The following HDLBP variants were observed in gnomAD, a reference collection of about 807,000 sequenced individuals.
HDLBP encodes vigilin.
A neutral mutation model predicts 137.3 loss-of-function variants in HDLBP; 30 were observed. That is an observed-to-expected ratio of 0.22 (90% CI 0.16 to 0.30). The LOEUF is 0.30. Among genes scored for constraint, HDLBP ranks in the 10% least tolerant of loss-of-function variants. HDLBP has a pLI of 1.00. For synonymous variants in HDLBP, 606 were observed against 596.0 expected, an observed-to-expected ratio of 1.02 and a Z score of -0.24; for missense variants, 1,119 against 1,667.3, an observed-to-expected ratio of 0.67 and a Z score of 5.73.
intron 1 of HDLBP, among the ~76,000 whole-genome samples, chr2:241,274,650 A>G (rs2074326173): frequency 6.6e-6 from 1 of 152,246 alleles, no homozygotes; most frequent in African/African-American, 2.4e-5. Flanking sequence ...TTTAAAAAAC[A>G]CTGTTAGCAG....
intron 1 of HDLBP, among the ~76,000 whole-genome samples, chr2:241,312,832 C>T (rs765382063): frequency 6.6e-6 from 1 of 152,214 alleles, no homozygotes; most frequent in Non-Finnish European, 1.5e-5. Context: ...CACGAAGGAT[C>T]GTAAGATATC....
chr2:241,238,734 G>C lies in HDLBP; in HGVS notation c.2664C>G (p.Val888=). 1 of 1,581,394 alleles carries C rather than the reference G, an allele frequency of 6.3e-7. No individual in the cohort carries two copies. Among genetic ancestry groups the C allele is most frequent in the Non-Finnish European group, 8.7e-7 (1 of 1,155,884 alleles). ...GGATTCTGGAACCTTTGGGGCCCAT[G>C]ACAGATCGATGGAATTTCTGGGGTA... The part of the protein sequence containing the change: ...CAIPQKFHRS[V]MGPKGSRIQQ... Residue 888 remains valine (V), a synonymous_variant, in exon 20 of 28, where the codon GTC becomes GTG. Transcript: ENST00000310931. This position sits in a 1 kb window ranked among gnomAD's most constrained non-coding sequence, Gnocchi z 4.9.
chr2:241,302,286 G>A (rs1443283042), intron 1 of HDLBP, among the ~76,000 whole-genome samples: 3 of 151,970 alleles, frequency 2.0e-5, no homozygotes, highest in Non-Finnish European at 4.4e-5. Flanking sequence ...AGGTTAGGTG[G>A]TTCACACCTG....
In HDLBP at chr2:241,315,602, G is replaced by A. The variant is rs1219565326; in HGVS notation, c.-135C>T. 6.6e-6 allele frequency: 1 copy of A among 152,250 alleles called. No homozygotes were observed. The highest frequency in any genetic ancestry group is 1.5e-5 in the Non-Finnish European group (1 of 68,084). The allele number at this position is 152,250 out of a possible 1,614,324, so 9.4% of individuals were successfully genotyped here. On this transcript the variant is annotated 5_prime_UTR_variant, in exon 1 of 28. Transcript: ENST00000310931. ...ACTCTTATAAGCATAAGAAAACCGA[G>A]CTCATAAGGTAGGAACTGTGGCGAA...
In HDLBP at chr2:241,255,953, C is replaced by G. The variant is rs537829108; in HGVS notation, c.873+231G>C. On this transcript the variant is annotated intron_variant, in intron 7 of 27. Transcript: ENST00000310931. The stretch of plus-strand genomic sequence containing the variant: ...GACCCGGGGCAGCCCAGCTGGCAGC[C>G]TGTCAGCACAGTCAGAGGCCCAGGA... 2.2e-4 allele frequency among the ~76,000 whole-genome samples: 34 copies of G among 152,354 alleles called. No homozygotes were observed. In the East Asian group the frequency reaches 6.2e-3, roughly 28 times the overall value.
intron 21 of HDLBP, 129 bp downstream of exon 21, chr2:241,236,486 G>A: frequency 3.3e-6 from 3 of 911,164 alleles, no homozygotes; most frequent in East Asian, 4.8e-5. Flanking sequence ...CACACGGTAG[G>A]AGCAAGAGGG....
intron 14 of HDLBP, chr2:241,247,366 A>T: frequency 1.8e-6 from 1 of 554,764 alleles, no homozygotes; most frequent in African/African-American, 1.9e-5. Flanking sequence ...TGGCTAAGAG[A>T]GAGTTCATGT....
chr2:241,276,567 T>C (rs1490816499), intron 1 of HDLBP, among the ~76,000 whole-genome samples: 1 of 152,148 alleles, frequency 6.6e-6, no homozygotes, highest in Non-Finnish European at 1.5e-5. Context: ...ACAGCAGCTA[T>C]AGGCCATTCA....
rs1278397845 is a variant in HDLBP, at chr2:241,227,930, G to A, written c.*1671C>T. The stretch of plus-strand genomic sequence containing the variant: ...CTAAGCCGTGGTCACCCTAGCCTAT[G>A]AAGCTGGAAGCTATATTCCTTCCAA... On this transcript the variant is annotated 3_prime_UTR_variant, in exon 28 of 28. Transcript: ENST00000310931. 6.6e-6 allele frequency: 1 copy of A among 152,248 alleles called. No homozygotes were observed. Among genetic ancestry groups the A allele is most frequent in the Admixed American group, 6.5e-5 (1 of 15,284 alleles). The allele number at this position is 152,248 out of a possible 1,614,324, so 9.4% of individuals were successfully genotyped here.
Position 241,233,213 on chromosome 2 carries a change from G to A in HDLBP, c.3288+607C>T, listed in dbSNP as rs77425659. Among the ~76,000 whole-genome samples the A allele has an allele frequency of 7.6e-3, 1,162 of 152,326 alleles. 13 individuals are homozygous for A. The highest frequency in any genetic ancestry group is 0.027 in the African/African-American group (1,115 of 41,584). ...CAGAGCCAGGAAAGACCAAGCCTGG[G>A]AAGTGTGTGCAAGAGGGGGTGTTGG... On this transcript the variant is annotated intron_variant, in intron 24 of 27. Coordinates refer to ENST00000310931, the MANE Select transcript of HDLBP (RefSeq NM_005336.6). This position sits in a 1 kb window ranked among gnomAD's most constrained non-coding sequence, Gnocchi z 4.3.
Position 241,253,410 on chromosome 2 carries a change from C to T in HDLBP, c.1276G>A (p.Gly426Ser). 6.2e-7 allele frequency: 1 copy of T among 1,609,702 alleles called. No individual in the cohort carries two copies. Residue 426 changes from glycine to serine, a missense_variant, in exon 10 of 28, where the codon GGC becomes AGC. Gly to Ser is a moderately conservative substitution (Grantham distance 56, BLOSUM62 0). Transcript: ENST00000310931. ...DVNVAQEQIE[G>S]MVKDLINRMD... ...TACCTTACCAAATCTTTGACCATGC[C>T]TTCTATCTGTTCCTGGGCCACATTG... is the stretch of plus-strand genomic sequence containing the variant.
intron 1 of HDLBP, among the ~76,000 whole-genome samples, chr2:241,294,765 G>GA (rs2075119795): frequency 3.3e-5 from 5 of 152,136 alleles, no homozygotes; most frequent in Admixed American, 3.3e-4. Context: ...CTGTTCTAGG[G>GA]ATACAGTTTT....
intron 1 of HDLBP, chr2:241,315,179 C>T (rs1370449673): frequency 6.6e-6 from 1 of 152,294 alleles, no homozygotes; most frequent in Non-Finnish European, 1.5e-5. Flanking sequence ...GGGCCCCAGC[C>T]CGGGCACAGG....
At chr2:241,310,789 G>A (rs114420470) in intron 1 of HDLBP, among the ~76,000 whole-genome samples, 67 of 152,188 alleles carry the variant, frequency 4.4e-4, no homozygotes, top group African/African-American at 1.5e-3. Flanking sequence ...AGTCTCCAAG[G>A]GACATCACTG....
At chr2:241,312,629 TC>T (rs1189419699) in intron 1 of HDLBP, among the ~76,000 whole-genome samples, 1 of 152,240 alleles carries the variant, frequency 6.6e-6, no homozygotes, top group Non-Finnish European at 1.5e-5. Flanking sequence ...ATGATATGCT[TC>T]TTTCAGAACT....
intron 17 of HDLBP, 54 bp downstream of exon 17, chr2:241,242,406 C>T: frequency 3.4e-6 from 5 of 1,482,228 alleles, no homozygotes; most frequent in Non-Finnish European, 3.8e-6. Flanking sequence ...AGCGAGAACA[C>T]TGTACTGAGG....
chr2:241,242,345 G>A (rs944832164), intron 17 of HDLBP, 115 bp downstream of exon 17: 1 of 880,494 alleles, frequency 1.1e-6, no homozygotes, highest in Non-Finnish European at 1.8e-6. Context: ...TTATAGAGCT[G>A]TTTTCTGACC....
chr2:241,235,128 T>C lies in HDLBP; in HGVS notation c.3137A>G (p.Glu1046Gly). The C allele has an allele frequency of 6.2e-7, 1 of 1,613,178 alleles. No individual in the cohort carries two copies. Among genetic ancestry groups the C allele is most frequent in the South Asian group, 1.1e-5 (1 of 91,054 alleles). ...ERVKELQAEQ[E>G]DRALRSFKLS... ...CGGCCACCTCCTGCTCACCCGGTCC[T>C]CCTGCTCGGCCTGTAGCTCCTTCAC... The change falls in exon 23 of 28, where the codon GAG becomes GGG. Residue 1046 changes from glutamate to glycine, a missense_variant. Glu to Gly is a moderately conservative substitution (Grantham distance 98, BLOSUM62 -2). This residue lies in a region of HDLBP where 618 missense variants were observed against 816.7 expected (regional missense o/e 0.76). Coordinates refer to ENST00000310931, the MANE Select transcript of HDLBP (RefSeq NM_005336.6).
chr2:241,229,741 A>G, intron 27 of HDLBP, 54 bp from the exon 28 acceptor site: 1 of 1,611,060 alleles, frequency 6.2e-7, no homozygotes, highest in Non-Finnish European at 8.5e-7. Flanking sequence ...ACTCGCAAGC[A>G]GCTTCCGACG....
Sources: gnomAD v4.1 joint callset for allele counts (sites outside exome capture counted in the v4.1 genomes callset) on GRCh38, gnomAD v4.1.1 for gene constraint, gnomAD v4.1.1 regional missense constraint, Gnocchi (gnomAD v3.1) non-coding constraint, MANE v1.5 for transcripts, NCBI Gene and HGNC (gene_info 2026-07-23, HGNC 2026-07-21) for gene names.